PKIB: variants seen among roughly 807,000 people sequenced by gnomAD.
The protein encoded by PKIB is cAMP-dependent protein kinase inhibitor beta, also known as PKI-beta.
A neutral mutation model predicts 4.5 loss-of-function variants in PKIB; 2 were observed. The observed-to-expected ratio is 0.44, with a 90% CI of 0.18 to 1.39. PKIB has a LOEUF of 1.39. Among genes scored for constraint, PKIB ranks in the 40% most tolerant of loss-of-function variants. The pLI, the probability that PKIB is intolerant of heterozygous loss-of-function variation, is 0.27. For synonymous variants in PKIB, 38 were observed against 36.0 expected (o/e 1.06, Z -0.20); for missense variants, 94 against 92.6 (o/e 1.02, Z -0.06).
chr6:122,485,083 T>C (rs1389627962), intron 2 of PKIB, among the ~76,000 whole-genome samples: 3 of 152,182 alleles, frequency 2.0e-5, no homozygotes, highest in Non-Finnish European at 4.4e-5. Flanking sequence ...TCTGCCACCA[T>C]GTGGCTGCTC....
chr6:122,676,561 G>A (rs903082365), intron 3 of PKIB, among the ~76,000 whole-genome samples: 6 of 152,112 alleles, frequency 3.9e-5, no homozygotes, highest in African/African-American at 1.4e-4. Context: ...TTGTGTTTGA[G>A]GGTTGACTAA....
chr6:122,705,564 C>CTTT lies in PKIB; in HGVS notation c.-8-12205_-8-12203dup, dbSNP rs142542177. Among the ~76,000 whole-genome samples, 740 of 113,368 alleles carry CTTT rather than the reference C, an allele frequency of 6.5e-3. 31 individuals carry two copies. In the East Asian group the frequency reaches 0.09, roughly 14 times the overall value. The allele number at this position is 113,368 out of a possible 152,430, so 74.4% of individuals were successfully genotyped here. A position where few individuals can be genotyped will look rare whatever the true frequency, so the allele number is the denominator to read the frequency against. On this transcript the variant is annotated intron_variant, in intron 3 of 4. Transcript: ENST00000368452. ...CTGTCTCTATTTTCAGAAAGCGCATCTTTTTTTTTTTTTTTTTTTTGAGAC... is the reference window on the plus strand; with the variant it reads ...CTGTCTCTATTTTCAGAAAGCGCATCTTTTTTTTTTTTTTTTTTTTTTTGAGAC...
chr6:122,538,685 C>A (rs1175398188), intron 2 of PKIB, among the ~76,000 whole-genome samples: 1 of 151,924 alleles, frequency 6.6e-6, no homozygotes, highest in Non-Finnish European at 1.5e-5. Flanking sequence ...TCCATATGAA[C>A]TTTAAAGTAG....
chr6:122,581,179 T>G (rs947667692), intron 2 of PKIB, among the ~76,000 whole-genome samples: 1 of 152,156 alleles, frequency 6.6e-6, no homozygotes, highest in Non-Finnish European at 1.5e-5. Context: ...TTGGAAGAAT[T>G]TAACCATTAT....
chr6:122,638,903 G>T (rs1483555061), intron 2 of PKIB, among the ~76,000 whole-genome samples: 1 of 152,142 alleles, frequency 6.6e-6, no homozygotes, highest in East Asian at 1.9e-4. Flanking sequence ...ACTAAAAAAA[G>T]ACTACAGAAT....
At chr6:122,495,751 C>T (rs1033678313) in intron 2 of PKIB, among the ~76,000 whole-genome samples, 3 of 152,176 alleles carry the variant, frequency 2.0e-5, no homozygotes, top group Admixed American at 2.0e-4. Context: ...CGGAAGTACT[C>T]TCACATTGGA....
intron 2 of PKIB, among the ~76,000 whole-genome samples, chr6:122,516,678 G>A (rs1336042666): frequency 6.6e-6 from 1 of 152,118 alleles, no homozygotes; most frequent in Non-Finnish European, 1.5e-5. Context: ...GACTGAAACT[G>A]AGGGGTTACA....
upstream of PKIB, among the ~76,000 whole-genome samples, chr6:122,606,325 C>CA (rs1356168014): frequency 6.6e-6 from 1 of 152,172 alleles, no homozygotes; most frequent in Non-Finnish European, 1.5e-5. Context: ...GTAATCCCAG[C>CA]ACTTTGGGAG....
chr6:122,608,094 ACTGT>A (rs1334743378), upstream of PKIB, among the ~76,000 whole-genome samples: 1 of 152,142 alleles, frequency 6.6e-6, no homozygotes, highest in African/African-American at 2.4e-5. Context: ...TCTTCCATAA[ACTGT>A]CTATCTTTGT....
intron 2 of PKIB, among the ~76,000 whole-genome samples, chr6:122,504,795 G>A (rs1328113764): frequency 6.6e-6 from 1 of 152,142 alleles, no homozygotes; most frequent in Non-Finnish European, 1.5e-5. Context: ...AAATGTGTTG[G>A]TTTAGAAATA....
intron 2 of PKIB, among the ~76,000 whole-genome samples, chr6:122,530,022 T>A (rs1416549123): frequency 6.6e-6 from 1 of 151,960 alleles, no homozygotes; most frequent in Admixed American, 6.6e-5. Flanking sequence ...AAATAAGCTC[T>A]CTCCCCCTTC....
Position 122,714,053 on chromosome 6 carries a change from T to C in PKIB, c.-8-3734T>C, listed in dbSNP as rs556366786. Among the ~76,000 whole-genome samples the C allele has an allele frequency of 5.7e-4, 87 of 152,290 alleles. 1 individual carries two copies. Among genetic ancestry groups the C allele is most frequent in the African/African-American group, 2.0e-3 (84 of 41,566 alleles). ...TGTTGGGCTTTCAGGTTGTCTCCAGTGGTACAATAAATCTCTTTGCTTTGG... is the reference window on the plus strand; with the variant it reads ...TGTTGGGCTTTCAGGTTGTCTCCAGCGGTACAATAAATCTCTTTGCTTTGG... On this transcript the variant is annotated intron_variant, in intron 3 of 4. Transcript: ENST00000368452.
chr6:122,591,029 AAAAC>A (rs1003521072), intron 3 of PKIB, among the ~76,000 whole-genome samples: 2 of 151,988 alleles, frequency 1.3e-5, no homozygotes, highest in African/African-American at 4.8e-5. Flanking sequence ...TTTAAAAAAA[AAAAC>A]AGACAAACAA....
At chr6:122,560,207 GT>G (rs1291112583) in intron 2 of PKIB, among the ~76,000 whole-genome samples, 3 of 151,832 alleles carry the variant, frequency 2.0e-5, no homozygotes, top group African/African-American at 7.3e-5. Context: ...TTACACTAAG[GT>G]ATGTCCCTTG....
At chr6:122,604,263 T>G (rs922389731) in intron 3 of PKIB, among the ~76,000 whole-genome samples, 18 of 152,204 alleles carry the variant, frequency 1.2e-4, no homozygotes, top group Non-Finnish European at 2.4e-4. Context: ...AAGAGAATAA[T>G]ATTTTTCTTT....
intron 3 of PKIB, among the ~76,000 whole-genome samples, chr6:122,694,728 G>A (rs919039333): frequency 1.3e-5 from 2 of 152,154 alleles, no homozygotes; most frequent in East Asian, 3.8e-4. Flanking sequence ...AAAAAAATTC[G>A]AAGGAGGTCA....
chr6:122,484,389 A>T (rs1775706026), intron 2 of PKIB, among the ~76,000 whole-genome samples: 1 of 152,210 alleles, frequency 6.6e-6, no homozygotes, highest in South Asian at 2.1e-4. Context: ...ATCAGAGGCC[A>T]CTTTACATCT....
intron 2 of PKIB, among the ~76,000 whole-genome samples, chr6:122,650,010 C>A (rs191502496): frequency 6.6e-6 from 1 of 152,080 alleles, no homozygotes; most frequent in African/African-American, 2.4e-5. Flanking sequence ...GGGTACCCAC[C>A]TAAAACTAGC....
At chr6:122,627,809 T>C (rs1430527236) in intron 1 of PKIB, among the ~76,000 whole-genome samples, 3 of 152,184 alleles carry the variant, frequency 2.0e-5, no homozygotes, top group South Asian at 2.1e-4. Flanking sequence ...CCTCATTTAC[T>C]GATAAAGAAA....
Sources: allele counts gnomAD v4.1 joint callset (sites outside exome capture counted in the v4.1 genomes callset), GRCh38; gene constraint gnomAD v4.1.1; transcripts MANE v1.5; gene names NCBI Gene and HGNC (gene_info 2026-07-23, HGNC 2026-07-21).